The following CLSTN2 variants were observed in gnomAD, a reference collection of about 807,000 sequenced individuals.
CLSTN2 encodes the protein calsyntenin 2, also known as calsyntenin-2.
Under a neutral mutation model 101.2 loss-of-function variants are expected in CLSTN2, and 48 were observed. The observed-to-expected ratio is 0.47, with a 90% CI of 0.38 to 0.60. The LOEUF (loss-of-function observed/expected upper bound fraction) is 0.60. CLSTN2 is among the 20% of genes least tolerant of loss of function. The probability of loss-of-function intolerance (pLI) is 0.00; values close to 1 mark genes in which losing one functional copy is unlikely to be tolerated. For missense variants in CLSTN2, 1,160 were observed against 1,238.2 expected (o/e 0.94, Z 0.95); for synonymous variants, 481 against 463.6 (o/e 1.04, Z -0.48).
chr3:140,383,900 G>T (rs1195623223), intron 2 of CLSTN2, among the ~76,000 whole-genome samples: 1 of 152,326 alleles, frequency 6.6e-6, no homozygotes, highest in Non-Finnish European at 1.5e-5. Context: ...GCAAATTAGG[G>T]ATAGAGCAAA....
intron 5 of CLSTN2, among the ~76,000 whole-genome samples, chr3:140,437,592 C>A (rs1037488902): frequency 6.6e-6 from 1 of 152,224 alleles, no homozygotes; most frequent in Admixed American, 6.5e-5. Context: ...GGGGCTCACA[C>A]TTGCCAACGG....
chr3:140,490,922 G>A (rs1934342313), intron 8 of CLSTN2, among the ~76,000 whole-genome samples: 1 of 152,158 alleles, frequency 6.6e-6, no homozygotes, highest in Non-Finnish European at 1.5e-5. Flanking sequence ...ACTAAGGGCT[G>A]TCCCATTTCT....
intron 2 of CLSTN2, among the ~76,000 whole-genome samples, chr3:140,342,947 T>C (rs1383299276): frequency 2.6e-5 from 4 of 152,212 alleles, no homozygotes; most frequent in Non-Finnish European, 5.9e-5. Flanking sequence ...GGAAACTATG[T>C]TGCCTTTTAT....
At chr3:140,533,167 A>C (rs551627393) in intron 9 of CLSTN2, among the ~76,000 whole-genome samples, 2 of 152,292 alleles carry the variant, frequency 1.3e-5, no homozygotes, top group African/African-American at 2.4e-5. Context: ...CCGGCTCTCC[A>C]AGCATGCGTG....
intron 2 of CLSTN2, among the ~76,000 whole-genome samples, chr3:140,330,343 G>T (rs756421646): frequency 6.6e-6 from 1 of 152,218 alleles, no homozygotes; most frequent in African/African-American, 2.4e-5. Flanking sequence ...GCCCGGAAGT[G>T]TGGGAAAGTT....
intron 1 of CLSTN2, among the ~76,000 whole-genome samples, chr3:140,049,968 G>T (rs542275254): frequency 6.6e-6 from 1 of 152,194 alleles, no homozygotes; most frequent in African/African-American, 2.4e-5. Flanking sequence ...CTTCTCTCTT[G>T]CTTCTGGCTG....
At chr3:139,959,747 C>A (rs1451209297) in intron 1 of CLSTN2, among the ~76,000 whole-genome samples, 4 of 152,070 alleles carry the variant, frequency 2.6e-5, no homozygotes, top group Non-Finnish European at 4.4e-5. Flanking sequence ...CCCCGCCCCC[C>A]TTTTTTTACT....
chr3:140,066,380 A>G (rs1309165588), intron 1 of CLSTN2, among the ~76,000 whole-genome samples: 1 of 152,170 alleles, frequency 6.6e-6, no homozygotes, highest in Non-Finnish European at 1.5e-5. Context: ...CTGAAATTCT[A>G]TTTATAGCTG....
chr3:140,473,495 A>C (rs1933901332), intron 8 of CLSTN2, among the ~76,000 whole-genome samples: 1 of 152,142 alleles, frequency 6.6e-6, no homozygotes, highest in Non-Finnish European at 1.5e-5. Context: ...TTCTTATAAG[A>C]GGGGAGGCAA....
intron 8 of CLSTN2, among the ~76,000 whole-genome samples, chr3:140,503,768 C>A (rs349505): frequency 0.43 from 64,626 of 151,952 alleles, 16,076 homozygotes; most frequent in African/African-American, 0.68. Context: ...TTAAAGACAG[C>A]AGAAAAAAGA....
chr3:140,343,413 T>C (rs1258221723), intron 2 of CLSTN2, among the ~76,000 whole-genome samples: 1 of 152,244 alleles, frequency 6.6e-6, no homozygotes, highest in Non-Finnish European at 1.5e-5. Context: ...ACAACACTGG[T>C]TACCATGAGG....
chr3:139,955,082 A>G (rs1002676801), intron 1 of CLSTN2, among the ~76,000 whole-genome samples: 2 of 145,868 alleles, frequency 1.4e-5, no homozygotes, highest in Admixed American at 6.9e-5. Flanking sequence ...ACACACATAT[A>G]TACACATACA....
At chr3:140,004,227 A>G (rs1356959220) in intron 1 of CLSTN2, among the ~76,000 whole-genome samples, 4 of 152,262 alleles carry the variant, frequency 2.6e-5, no homozygotes, top group African/African-American at 9.6e-5. Context: ...TACCTTCATT[A>G]GTATGCAGTT....
intron 2 of CLSTN2, among the ~76,000 whole-genome samples, chr3:140,314,907 G>A (rs571121455): frequency 6.6e-6 from 1 of 152,084 alleles, no homozygotes; most frequent in South Asian, 2.1e-4. Context: ...TCAGGGAAGG[G>A]CCCCATGGTT....
At chr3:140,166,805 A>G (rs1017884016) in intron 1 of CLSTN2, among the ~76,000 whole-genome samples, 5 of 152,202 alleles carry the variant, frequency 3.3e-5, no homozygotes, top group African/African-American at 1.2e-4. Flanking sequence ...GAAAAGAGAT[A>G]AGAAAGAGGC....
intron 8 of CLSTN2, among the ~76,000 whole-genome samples, chr3:140,503,236 C>T (rs1384359624): frequency 8.5e-5 from 13 of 152,160 alleles, no homozygotes; most frequent in African/African-American, 3.1e-4. Context: ...GTCCTTTTTG[C>T]TGTTTAAGTA....
chr3:140,511,767 C>T (rs1934820430), intron 8 of CLSTN2, among the ~76,000 whole-genome samples: 1 of 151,086 alleles, frequency 6.6e-6, no homozygotes, highest in African/African-American at 2.4e-5. Flanking sequence ...CAATGTTAGC[C>T]AGAATGGTCT....
At chr3:140,188,395 C>T (rs1032772498) in intron 2 of CLSTN2, among the ~76,000 whole-genome samples, 4 of 152,170 alleles carry the variant, frequency 2.6e-5, no homozygotes, top group African/African-American at 9.7e-5. Context: ...GAGTGGCTTA[C>T]AACCTACCAC....
intron 2 of CLSTN2, among the ~76,000 whole-genome samples, chr3:140,391,635 CTAATA>C (rs2088115029): frequency 2.0e-5 from 3 of 151,618 alleles, no homozygotes; most frequent in African/African-American, 7.3e-5. Context: ...TAAACTAATA[CTAATA>C]TAATATTAAA....
Sources: allele counts gnomAD v4.1 joint callset (sites outside exome capture counted in the v4.1 genomes callset), GRCh38; gene constraint gnomAD v4.1.1; transcripts MANE v1.5; gene names NCBI Gene and HGNC (gene_info 2026-07-23, HGNC 2026-07-21).